The following IL1RAPL2 variants were observed in gnomAD, a reference collection of about 807,000 sequenced individuals.
IL1RAPL2 encodes interleukin 1 receptor accessory protein like 2, also known as X-linked interleukin-1 receptor accessory protein-like 2.
A neutral mutation model predicts 44.1 loss-of-function variants in IL1RAPL2; 3 were observed. The ratio of observed to expected loss-of-function variants is 0.07; its 90% CI spans 0.03 to 0.18. The LOEUF (loss-of-function observed/expected upper bound fraction) is 0.18. IL1RAPL2 is among the 10% of genes least tolerant of loss of function. IL1RAPL2 has a pLI of 1.00. For synonymous variants in IL1RAPL2, 181 were observed against 178.8 expected (o/e 1.01, Z -0.10); for missense variants, 391 against 496.4 (o/e 0.79, Z 2.02).
At chrX:104,902,623 T>C (rs1923853337) in intron 2 of IL1RAPL2, among the ~76,000 whole-genome samples, 1 of 112,125 alleles carries the variant, frequency 8.9e-6, no homozygotes, top group Non-Finnish European at 1.9e-5. Context: ...TATTTAGTAA[T>C]GAGTGACATT....
At chrX:104,681,045 G>A (rs776969608) in intron 2 of IL1RAPL2, among the ~76,000 whole-genome samples, 1 of 111,687 alleles carries the variant, frequency 9.0e-6, no homozygotes, top group Non-Finnish European at 1.9e-5. Flanking sequence ...TTCTGTCAGA[G>A]CAAAAAATAT....
intron 7 of IL1RAPL2, among the ~76,000 whole-genome samples, chrX:105,734,135 T>C (rs1164456405): frequency 9.0e-6 from 1 of 111,073 alleles, no homozygotes; most frequent in African/African-American, 3.3e-5. Flanking sequence ...TTGCAGGTTT[T>C]TTTTTTGCAA....
At chrX:105,234,120 C>T (rs782261465) in intron 4 of IL1RAPL2, 116 bp downstream of exon 4, 3 of 510,473 alleles carry the variant, frequency 5.9e-6, no homozygotes, top group East Asian at 3.7e-5. Flanking sequence ...TGAGAAGAAT[C>T]AACAGATCCA....
chrX:105,528,992 G>A (rs1203402448), intron 6 of IL1RAPL2, among the ~76,000 whole-genome samples: 3 of 110,739 alleles, frequency 2.7e-5, no homozygotes, highest in Non-Finnish European at 5.7e-5. Context: ...CAGCTTTATT[G>A]AGGACAATTA....
chrX:104,603,931 A>G (rs1025073379), intron 1 of IL1RAPL2, among the ~76,000 whole-genome samples: 1 of 111,884 alleles, frequency 8.9e-6, no homozygotes, highest in African/African-American at 3.3e-5. Context: ...ACAGACCAAC[A>G]TTCAAATTCA....
At chrX:104,653,638 G>A (rs1930195243) in intron 1 of IL1RAPL2, among the ~76,000 whole-genome samples, 1 of 111,259 alleles carries the variant, frequency 9.0e-6, no homozygotes, top group African/African-American at 3.3e-5. Flanking sequence ...CATCAAACTG[G>A]AAGTTTTCTG....
At position 104,709,692 on chromosome X, in the gene IL1RAPL2, G is replaced by A. The variant is rs192409170; in HGVS notation, c.82+50697G>A. ...AAACAAAACACTTTTATGTATAACC[G>A]TGATCAAGAAAGTGAAAAGATAATG... On this transcript the variant is annotated intron_variant, in intron 2 of 10. Transcript: ENST00000372582. 1.5e-3 allele frequency among the ~76,000 whole-genome samples: 170 copies of A among 111,032 alleles called. 2 individuals are homozygous for A. Among genetic ancestry groups the A allele is most frequent in the Non-Finnish European group, 2.4e-3 (127 of 52,784 alleles).
chrX:105,045,177 T>C (rs1166554680), intron 2 of IL1RAPL2, among the ~76,000 whole-genome samples: 1 of 111,147 alleles, frequency 9.0e-6, no homozygotes, highest in African/African-American at 3.3e-5. Flanking sequence ...TAAAATGTCA[T>C]ACAAGCAAAG....
chrX:104,887,216 G>A (rs902278561), intron 2 of IL1RAPL2, among the ~76,000 whole-genome samples: 12 of 112,423 alleles, frequency 1.1e-4, no homozygotes, highest in African/African-American at 3.9e-4. Flanking sequence ...GACCCAGAGG[G>A]CAAATACTCA....
chrX:105,423,683 C>T (rs779465012), intron 5 of IL1RAPL2, among the ~76,000 whole-genome samples: 2 of 110,998 alleles, frequency 1.8e-5, no homozygotes, highest in South Asian at 7.7e-4. Flanking sequence ...GGCAAAACCC[C>T]AATTCAGCTA....
intron 5 of IL1RAPL2, among the ~76,000 whole-genome samples, chrX:105,315,891 G>A (rs1015632479): frequency 9.2e-6 from 1 of 108,819 alleles, no homozygotes; most frequent in Non-Finnish European, 1.9e-5. Flanking sequence ...TGCATTCCTT[G>A]TTGACTATAT....
intron 2 of IL1RAPL2, among the ~76,000 whole-genome samples, chrX:104,971,341 CTG>C (rs1459057868): frequency 9.0e-6 from 1 of 111,186 alleles, no homozygotes; most frequent in Admixed American, 9.5e-5. Context: ...GAGCGAGACT[CTG>C]TCTCAAAAAA....
At chrX:104,797,199 C>T (rs1272816813) in intron 2 of IL1RAPL2, among the ~76,000 whole-genome samples, 3 of 45,407 alleles carry the variant, frequency 6.6e-5, no homozygotes, top group African/African-American at 8.8e-5. Context: ...CCCCCCCCCC[C>T]CCGCAAAGTA....
At chrX:104,804,018 A>G (rs1300834108) in intron 2 of IL1RAPL2, 1 of 113,569 alleles carries the variant, frequency 8.8e-6, no homozygotes, top group Non-Finnish European at 1.9e-5. Flanking sequence ...TTTGCACTTA[A>G]TCATGTCATT....
intron 2 of IL1RAPL2, among the ~76,000 whole-genome samples, chrX:105,011,865 A>G (rs985183339): frequency 1.4e-4 from 15 of 110,476 alleles, no homozygotes; most frequent in Non-Finnish European, 1.7e-4. Context: ...AGTAGTATTT[A>G]CTACTATTTC....
intron 5 of IL1RAPL2, among the ~76,000 whole-genome samples, chrX:105,301,294 T>C (rs1176858415): frequency 2.7e-5 from 3 of 111,764 alleles, no homozygotes; most frequent in Non-Finnish European, 5.6e-5. Flanking sequence ...ATGGTAGGTA[T>C]ATACATTTCT....
chrX:104,708,376 A>T (rs1931396181), intron 2 of IL1RAPL2, among the ~76,000 whole-genome samples: 1 of 110,812 alleles, frequency 9.0e-6, no homozygotes, highest in East Asian at 2.9e-4. Context: ...TTATTAATGC[A>T]GGACAGCAGA....
At position 105,297,568 on chromosome X, in the gene IL1RAPL2, G is replaced by A. The variant is rs5962274; in HGVS notation, c.697+30027G>A. ...CAAAGCAGCAAGAGAGCAAGTGAGA[G>A]TGGGGAGAAGCGCCAGACACTTATC... On this transcript the variant is annotated intron_variant, in intron 5 of 10. Transcript: ENST00000372582. Among the ~76,000 whole-genome samples, 486 of 110,748 alleles carry A rather than the reference G, an allele frequency of 4.4e-3. 4 individuals carry two copies. The highest frequency in any genetic ancestry group is 0.015 in the South Asian group (39 of 2,581).
chrX:104,571,525 C>A (rs1377207004), intron 1 of IL1RAPL2, among the ~76,000 whole-genome samples: 3 of 111,323 alleles, frequency 2.7e-5, no homozygotes, highest in Admixed American at 9.5e-5. Flanking sequence ...GTGAATAAAT[C>A]TCACAAGATC....
Sources: allele counts gnomAD v4.1 joint callset (sites outside exome capture counted in the v4.1 genomes callset), GRCh38; gene constraint gnomAD v4.1.1; transcripts MANE v1.5; gene names NCBI Gene and HGNC (gene_info 2026-07-23, HGNC 2026-07-21).